FHIT: variants seen among roughly 807,000 people sequenced by gnomAD.
The protein encoded by FHIT is bis(5'-adenosyl)-triphosphatase.
A neutral mutation model predicts 17.9 loss-of-function variants in FHIT; 19 were observed. That is an observed-to-expected ratio of 1.06 (90% CI 0.74 to 1.56). The LOEUF (loss-of-function observed/expected upper bound fraction) is 1.56, where lower values mean the gene tolerates loss of function less well. FHIT is among the 40% of genes most tolerant of loss of function. The pLI is 0.00. For missense variants in FHIT, 248 were observed against 189.2 expected (o/e 1.31, Z -1.82); for synonymous variants, 81 against 69.7 (o/e 1.16, Z -0.81).
At chr3:61,029,995 G>T (rs2107664969) in intron 3 of FHIT, among the ~76,000 whole-genome samples, 1 of 152,200 alleles carries the variant, frequency 6.6e-6, no homozygotes. Flanking sequence ...TTTGAGACAG[G>T]GACTCACTCT....
chr3:60,061,336 G>A (rs532025959), intron 5 of FHIT, among the ~76,000 whole-genome samples: 7 of 152,230 alleles, frequency 4.6e-5, no homozygotes, highest in South Asian at 2.1e-4. Context: ...CACAACATAC[G>A]ACCTCTTTAA....
intron 5 of FHIT, among the ~76,000 whole-genome samples, chr3:60,530,727 T>C (rs527254473): frequency 3.0e-4 from 46 of 152,298 alleles, no homozygotes; most frequent in African/African-American, 9.6e-4. Flanking sequence ...CAAGTCAAGA[T>C]GGATGATGGT....
chr3:60,069,757 C>T (rs2106966160), intron 5 of FHIT, among the ~76,000 whole-genome samples: 1 of 152,268 alleles, frequency 6.6e-6, no homozygotes, highest in South Asian at 2.1e-4. Flanking sequence ...CATCAATCAA[C>T]TGAAGTTCCC....
At chr3:60,998,842 T>C (rs1471116154) in intron 3 of FHIT, among the ~76,000 whole-genome samples, 4 of 151,834 alleles carry the variant, frequency 2.6e-5, no homozygotes, top group African/African-American at 7.3e-5. Context: ...AAAGAGAAGG[T>C]AGACTTATTT....
At chr3:60,649,490 G>T (rs1040680831) in intron 4 of FHIT, among the ~76,000 whole-genome samples, 2 of 152,132 alleles carry the variant, frequency 1.3e-5, no homozygotes, top group African/African-American at 2.4e-5. Context: ...ATTCAAAGGG[G>T]GTGATCCAAG....
In FHIT at chr3:60,482,824, G is replaced by T. The variant is rs145225091; in HGVS notation, c.103+54036C>A. ...CCAGCAGAAGACAAGAAATAACTAA[G>T]ATCAGAGCAGAACTGAAGGAGATAG... On this transcript the variant is annotated intron_variant, in intron 5 of 9. Transcript: ENST00000492590. Among the ~76,000 whole-genome samples the T allele has an allele frequency of 2.2e-3, 328 of 151,676 alleles. 2 individuals are homozygous for T. Among genetic ancestry groups the T allele is most frequent in the African/African-American group, 7.6e-3 (313 of 41,378 alleles).
At chr3:60,069,749 T>C (rs1308962132) in intron 5 of FHIT, among the ~76,000 whole-genome samples, 1 of 152,168 alleles carries the variant, frequency 6.6e-6, no homozygotes, top group Non-Finnish European at 1.5e-5. Flanking sequence ...TTCTCAGCCA[T>C]CAATCAACTG....
chr3:60,078,537 C>T (rs1384921503), intron 5 of FHIT, among the ~76,000 whole-genome samples: 5 of 152,106 alleles, frequency 3.3e-5, no homozygotes, highest in Admixed American at 6.6e-5. Context: ...GACAGGACAA[C>T]TAAACACAAT....
At chr3:60,428,383 T>A (rs1482962096) in intron 5 of FHIT, among the ~76,000 whole-genome samples, 1 of 152,126 alleles carries the variant, frequency 6.6e-6, no homozygotes, top group African/African-American at 2.4e-5. Flanking sequence ...CAATCGGACT[T>A]GAAAGCTTAA....
Position 60,033,210 on chromosome 3 carries a change from T to C in FHIT, c.104-19058A>G, listed in dbSNP as rs151321183. On this transcript the variant is annotated intron_variant, in intron 5 of 9. Transcript: ENST00000492590. ...TTCCTATTAATTTTGTGAAATATGA[T>C]AATGGGGCCAGGTGCAGTGGCTCAT... is the stretch of plus-strand genomic sequence containing the variant. Among the ~76,000 whole-genome samples, 69 of 152,116 alleles carry C rather than the reference T, an allele frequency of 4.5e-4. 1 individual carries two copies. Among genetic ancestry groups the C allele is most frequent in the African/African-American group, 1.7e-3 (69 of 41,520 alleles).
chr3:59,945,771 A>T (rs952701629), intron 7 of FHIT, among the ~76,000 whole-genome samples: 1 of 152,184 alleles, frequency 6.6e-6, no homozygotes, highest in Admixed American at 6.5e-5. Flanking sequence ...CAGTTATTCA[A>T]GCACCATTTA....
chr3:60,603,191 C>G (rs535955916), intron 4 of FHIT, among the ~76,000 whole-genome samples: 106 of 152,228 alleles, frequency 7.0e-4, no homozygotes, highest in African/African-American at 2.5e-3. Flanking sequence ...AAAACTCCAA[C>G]TTTTGAATGT....
At chr3:60,056,193 T>TTTAAGTTTC (rs1335835950) in intron 5 of FHIT, among the ~76,000 whole-genome samples, 1 of 152,180 alleles carries the variant, frequency 6.6e-6, no homozygotes. Flanking sequence ...GCCTTATTTC[T>TTTAAGTTTC]TTAAGTTTCT....
intron 2 of FHIT, among the ~76,000 whole-genome samples, chr3:61,135,163 A>G (rs534212488): frequency 6.6e-6 from 1 of 152,322 alleles, no homozygotes; most frequent in Admixed American, 6.5e-5. Flanking sequence ...GAAATGGCTA[A>G]TCATTCAGCC....
chr3:60,521,187 A>C (rs1359690137), intron 5 of FHIT, among the ~76,000 whole-genome samples: 2 of 152,086 alleles, frequency 1.3e-5, no homozygotes, highest in Admixed American at 1.3e-4. Context: ...TGTCCATTCC[A>C]AGACCCATGC....
chr3:59,870,813 C>T (rs953162114), intron 8 of FHIT, among the ~76,000 whole-genome samples: 4 of 152,094 alleles, frequency 2.6e-5, no homozygotes, highest in Non-Finnish European at 5.9e-5. Context: ...GGCACATTTG[C>T]ATCCTCTATA....
At chr3:59,803,184 A>T (rs909350454) in intron 8 of FHIT, among the ~76,000 whole-genome samples, 2 of 152,168 alleles carry the variant, frequency 1.3e-5, no homozygotes, top group African/African-American at 4.8e-5. Context: ...CCACTCACTC[A>T]ATTAAAAGCT....
At chr3:60,600,481 G>A (rs1036859056) in intron 4 of FHIT, among the ~76,000 whole-genome samples, 3 of 152,048 alleles carry the variant, frequency 2.0e-5, no homozygotes, top group Non-Finnish European at 4.4e-5. Flanking sequence ...AAAATGATAA[G>A]GATTTTAAAA....
intron 5 of FHIT, among the ~76,000 whole-genome samples, chr3:60,284,588 T>A (rs773070170): frequency 5.3e-5 from 8 of 152,134 alleles, no homozygotes; most frequent in Admixed American, 1.3e-4. Flanking sequence ...TACACTTTTT[T>A]AATTTATTTT....
Sources: gnomAD v4.1 joint callset for allele counts (sites outside exome capture counted in the v4.1 genomes callset) on GRCh38, gnomAD v4.1.1 for gene constraint, MANE v1.5 for transcripts, NCBI Gene and HGNC (gene_info 2026-07-23, HGNC 2026-07-21) for gene names.